The following ZNG1A variants were observed in gnomAD, a reference collection of about 807,000 sequenced individuals.
The protein encoded by ZNG1A is zinc-regulated GTPase metalloprotein activator 1A.
the ZNG1A span, chr9:162,537 T>C: frequency 6.5e-7 from 1 of 1,548,622 alleles, no homozygotes; most frequent in Non-Finnish European, 8.8e-7. Flanking sequence ...ACAACCATAC[T>C]TCAAAATGAA....
At chr9:148,547 C>A in the ZNG1A span, 1 of 99,554 alleles carries the variant, frequency 1.0e-5, no homozygotes, top group Non-Finnish European at 2.1e-5. Flanking sequence ...GAGATAAAAC[C>A]ATGAGATCTT....
the ZNG1A span, among the ~76,000 whole-genome samples, chr9:178,320 G>A: frequency 2.0e-5 from 3 of 152,046 alleles, no homozygotes; most frequent in African/African-American, 4.8e-5. Flanking sequence ...TTTAAGATAG[G>A]AGCGCTCCCT....
the ZNG1A span, chr9:150,046 A>C: frequency 6.6e-6 from 1 of 151,772 alleles, no homozygotes; most frequent in African/African-American, 2.4e-5. Flanking sequence ...ATGGTAAAAA[A>C]ATTTTAAACA....
At chr9:147,509 G>A in the ZNG1A span, 4 of 125,630 alleles carry the variant, frequency 3.2e-5, no homozygotes, top group Non-Finnish European at 4.7e-5. Flanking sequence ...GCTTGTCTTG[G>A]CAAAAGAGAG....
At chr9:161,099 C>G in the ZNG1A span, among the ~76,000 whole-genome samples, 1 of 151,908 alleles carries the variant, frequency 6.6e-6, no homozygotes, top group Non-Finnish European at 1.5e-5. Flanking sequence ...GTATTGGTAG[C>G]TATTTGACAA....
chr9:146,780 T>C, the ZNG1A span: 1 of 100,152 alleles, frequency 1.0e-5, no homozygotes, highest in East Asian at 2.6e-4. Flanking sequence ...CAGGTGAGAA[T>C]AAATAACATA....
At chr9:148,571 A>C in the ZNG1A span, 1 of 116,462 alleles carries the variant, frequency 8.6e-6, no homozygotes, top group Non-Finnish European at 1.8e-5. Context: ...CAAAGCATTA[A>C]AATCGCCAAG....
the ZNG1A span, among the ~76,000 whole-genome samples, chr9:159,253 C>T: frequency 6.7e-6 from 1 of 148,422 alleles, no homozygotes; most frequent in Non-Finnish European, 1.5e-5. Context: ...GATCAAAACC[C>T]CAATTTAACT....
the ZNG1A span, chr9:171,905 T>C: frequency 2.4e-6 from 2 of 826,532 alleles, no homozygotes; most frequent in Non-Finnish European, 3.8e-6. Context: ...ACTCTGTTCA[T>C]TCATTCAACT....
chr9:130,153 C>T, the ZNG1A span, among the ~76,000 whole-genome samples: 1 of 150,694 alleles, frequency 6.6e-6, no homozygotes, highest in African/African-American at 2.5e-5. Context: ...TCTTAATAAA[C>T]ATACTCTATT....
chr9:163,574 A>G, the ZNG1A span, among the ~76,000 whole-genome samples: 5 of 152,314 alleles, frequency 3.3e-5, no homozygotes, highest in East Asian at 1.9e-4. Context: ...AATTAAAGTT[A>G]TAATATGAAT....
At chr9:152,481 A>G in the ZNG1A span, among the ~76,000 whole-genome samples, 44 of 152,038 alleles carry the variant, frequency 2.9e-4, no homozygotes, top group Admixed American at 5.2e-4. Flanking sequence ...CATGGTAGAA[A>G]TGGCTATATA....
At chr9:151,084 T>C in the ZNG1A span, 1 of 985,376 alleles carries the variant, frequency 1.0e-6, no homozygotes, top group South Asian at 4.7e-5. Flanking sequence ...TACAATGGAA[T>C]TTGAAATGCA....
chr9:155,072 T>C, the ZNG1A span, among the ~76,000 whole-genome samples: 1 of 151,752 alleles, frequency 6.6e-6, no homozygotes, highest in Non-Finnish European at 1.5e-5. Flanking sequence ...TGTTACTTGC[T>C]ACTCTTGTGC....
At chr9:138,428 A>G in the ZNG1A span, among the ~76,000 whole-genome samples, 2 of 124,080 alleles carry the variant, frequency 1.6e-5, no homozygotes. Context: ...TGCAAATTTA[A>G]TTTTTCCAAT....
the ZNG1A span, among the ~76,000 whole-genome samples, chr9:177,163 T>C: frequency 1.6e-4 from 24 of 152,310 alleles, no homozygotes; most frequent in South Asian, 4.8e-3. Context: ...TAGTTCATTG[T>C]GCGGGGCCAA....
At chr9:124,612 ACTT>A in the ZNG1A span, among the ~76,000 whole-genome samples, 1 of 100,688 alleles carries the variant, frequency 9.9e-6, no homozygotes, top group African/African-American at 3.8e-5. Context: ...GTGTTGGTTA[ACTT>A]CTTTAGTGGT....
At chr9:169,646 CA>C in the ZNG1A span, among the ~76,000 whole-genome samples, 3 of 148,590 alleles carry the variant, frequency 2.0e-5, no homozygotes, top group African/African-American at 7.6e-5. Context: ...TTGCGATAGC[CA>C]CCCCAACCTT....
the ZNG1A span, chr9:166,890 A>T: frequency 6.6e-6 from 1 of 152,176 alleles, no homozygotes; most frequent in Non-Finnish European, 1.5e-5. Context: ...AAGAAAATTC[A>T]GTATTAAAAA....
Sources: allele counts gnomAD v4.1 joint callset (sites outside exome capture counted in the v4.1 genomes callset), GRCh38; gene constraint gnomAD v4.1.1; transcripts MANE v1.5; gene names NCBI Gene and HGNC (gene_info 2026-07-23, HGNC 2026-07-21).